Variants in PTPRO observed in about 807,000 individuals in gnomAD.
The protein encoded by PTPRO is protein tyrosine phosphatase receptor type O.
In PTPRO, 62 loss-of-function variants were observed where a neutral mutation model predicts 145.2. That is an observed-to-expected ratio of 0.43 (90% confidence interval 0.35 to 0.53). PTPRO has a LOEUF of 0.53. Among genes scored for constraint, PTPRO ranks in the 20% least tolerant of loss-of-function variants. The pLI is 0.01. For synonymous variants in PTPRO, 565 were observed against 514.7 expected (o/e 1.10, Z -1.32); for missense variants, 1,345 against 1,482.7 (o/e 0.91, Z 1.53).
chr12:15,589,911 G>C (rs1193842542), intron 25 of PTPRO, among the ~76,000 whole-genome samples: 1 of 152,146 alleles, frequency 6.6e-6, no homozygotes, highest in African/African-American at 2.4e-5. Context: ...CCACCAAATA[G>C]AGACTGTTGA....
chr12:15,380,707 T>C (rs920659897), intron 1 of PTPRO, among the ~76,000 whole-genome samples: 1 of 152,164 alleles, frequency 6.6e-6, no homozygotes, highest in African/African-American at 2.4e-5. Flanking sequence ...ATGTCACCAA[T>C]AGAACTAAGC....
At chr12:15,425,597 T>C (rs1940263077) in intron 1 of PTPRO, among the ~76,000 whole-genome samples, 1 of 152,158 alleles carries the variant, frequency 6.6e-6, no homozygotes, top group Non-Finnish European at 1.5e-5. Context: ...GACTTTTGGG[T>C]TTAGAACTTT....
chr12:15,480,721 A>AGATG (rs58620856), intron 1 of PTPRO, among the ~76,000 whole-genome samples: 7,481 of 150,924 alleles, frequency 0.05, 216 homozygotes, highest in African/African-American at 0.063. Flanking sequence ...CTGATGTAGA[A>AGATG]GATGGATGGA....
chr12:15,461,360 T>TA (rs1365304914), intron 1 of PTPRO, among the ~76,000 whole-genome samples: 1 of 152,150 alleles, frequency 6.6e-6, no homozygotes, highest in Non-Finnish European at 1.5e-5. Context: ...CATGTCTCCC[T>TA]AAAATGTATA....
chr12:15,522,712 T>C (rs1445213916), intron 10 of PTPRO, among the ~76,000 whole-genome samples: 2 of 152,204 alleles, frequency 1.3e-5, no homozygotes, highest in Non-Finnish European at 2.9e-5. Context: ...GGCAATTCAG[T>C]TGGCTAGCCC....
At chr12:15,456,295 C>T (rs2136388158) in intron 1 of PTPRO, among the ~76,000 whole-genome samples, 1 of 152,246 alleles carries the variant, frequency 6.6e-6, no homozygotes, top group African/African-American at 2.4e-5. Context: ...TATGTTGAAT[C>T]ATCCTTGCAT....
At chr12:15,349,095 A>T (rs898509854) in intron 1 of PTPRO, among the ~76,000 whole-genome samples, 30 of 152,210 alleles carry the variant, frequency 2.0e-4, no homozygotes, top group African/African-American at 7.2e-4. Context: ...AGTAATACCG[A>T]TACAGTATAA....
chr12:15,489,125 A>G lies in PTPRO; in HGVS notation c.349+4878A>G, dbSNP rs79407051. ...GTGCCATGTCCTAGGTACCAAAGAA[A>G]TAAAGATAGATAAAAATACTCATAA... On this transcript the variant is annotated intron_variant, in intron 2 of 26. Transcript: ENST00000281171. 2.6e-5 allele frequency among the ~76,000 whole-genome samples: 4 copies of G among 152,324 alleles called. No homozygotes were observed. In the East Asian group the frequency reaches 7.7e-4, roughly 29 times the overall value.
rs1407288179 is a variant in PTPRO, at chr12:15,560,186, C to T, written c.2628-7C>T. On this transcript the variant is annotated splice_polypyrimidine_tract_variant and splice_region_variant and intron_variant, in intron 16 of 26. Coordinates refer to ENST00000281171, the MANE Select transcript of PTPRO (RefSeq NM_030667.3). ...TCTTTCCATCTGTTGTCTATTAATGCACACAGGCGTAGGAGTATATTTGCT... is the reference window on the plus strand; with the variant it reads ...TCTTTCCATCTGTTGTCTATTAATGTACACAGGCGTAGGAGTATATTTGCT... 1.1e-5 allele frequency: 17 copies of T among 1,566,978 alleles called. No individual in the cohort carries two copies. Among genetic ancestry groups the T allele is most frequent in the Non-Finnish European group, 1.5e-5 (17 of 1,137,770 alleles).
At chr12:15,561,530 T>G (rs1943772546) in intron 17 of PTPRO, among the ~76,000 whole-genome samples, 1 of 152,128 alleles carries the variant, frequency 6.6e-6, no homozygotes, top group Non-Finnish European at 1.5e-5. Context: ...CAGAGGAATG[T>G]GCTAGATGCT....
chr12:15,382,700 G>C (rs1009614913), intron 1 of PTPRO, among the ~76,000 whole-genome samples: 2 of 152,184 alleles, frequency 1.3e-5, no homozygotes, highest in Admixed American at 1.3e-4. Context: ...TTCTTGTTCT[G>C]TTTGGGAGTT....
chr12:15,566,517 A>ATTTAT (rs1215735531), intron 18 of PTPRO, among the ~76,000 whole-genome samples: 1 of 151,658 alleles, frequency 6.6e-6, no homozygotes, highest in African/African-American at 2.4e-5. Context: ...TTATTTTTTA[A>ATTTAT]TTTATTTTAT....
At chr12:15,584,081 G>A (rs1171509963) in intron 23 of PTPRO, among the ~76,000 whole-genome samples, 1 of 152,188 alleles carries the variant, frequency 6.6e-6, no homozygotes, top group African/African-American at 2.4e-5. Context: ...CTCTGGGGCA[G>A]AGTCTTAAGT....
At chr12:15,440,703 T>A (rs76381850) in intron 1 of PTPRO, among the ~76,000 whole-genome samples, 4,412 of 151,630 alleles carry the variant, frequency 0.029, 233 homozygotes, top group African/African-American at 0.1. Flanking sequence ...CTTTAAATAA[T>A]AAACAAAAAA....
chr12:15,556,811 G>T (rs1158639584), intron 15 of PTPRO, among the ~76,000 whole-genome samples: 1 of 152,046 alleles, frequency 6.6e-6, no homozygotes, highest in Non-Finnish European at 1.5e-5. Flanking sequence ...TACTATTAAA[G>T]GCTTTGTAAA....
In PTPRO at chr12:15,508,664, C is replaced by T. The variant is rs747255588; in HGVS notation, c.1361C>T (p.Thr454Ile). The T allele has an allele frequency of 1.9e-6, 3 of 1,614,050 alleles. No individual in the cohort carries two copies. Among genetic ancestry groups the T allele is most frequent in the South Asian group, 2.2e-5 (2 of 91,062 alleles). The change falls in exon 7 of 27, where the codon ACA (threonine) becomes ATA (isoleucine). Residue 454 changes from threonine to isoleucine, a missense_variant. By Grantham distance (89) the Thr-to-Ile change is moderately conservative (BLOSUM62 -1). This residue lies in a region of PTPRO where 1,130 missense variants were observed against 1,214.7 expected (regional missense o/e 0.93). Coordinates refer to ENST00000281171, the MANE Select transcript of PTPRO (RefSeq NM_030667.3). ...LSSTTALMSW[T>I]SSQENYNSTI... Reference sequence around the variant, plus strand: ...TCAACCACTGCCTTGATGTCCTGGACATCTTCCCAAGAGAACTACAACAGC... The same window carrying T: ...TCAACCACTGCCTTGATGTCCTGGATATCTTCCCAAGAGAACTACAACAGC...
At chr12:15,380,413 G>A (rs1382028646) in intron 1 of PTPRO, among the ~76,000 whole-genome samples, 2 of 151,918 alleles carry the variant, frequency 1.3e-5, no homozygotes, top group Admixed American at 6.6e-5. Context: ...AGGAGAAGAA[G>A]AAAAGGTGGA....
At chr12:15,367,755 C>T (rs1938405896) in intron 1 of PTPRO, among the ~76,000 whole-genome samples, 1 of 152,158 alleles carries the variant, frequency 6.6e-6, no homozygotes, top group Admixed American at 6.5e-5. Context: ...TCATCTTTGA[C>T]ATCTCTCTTT....
chr12:15,495,250 T>A (rs1942076614), intron 2 of PTPRO, among the ~76,000 whole-genome samples: 1 of 151,528 alleles, frequency 6.6e-6, no homozygotes, highest in Admixed American at 6.6e-5. Context: ...GTAGATGCTG[T>A]TTTTCAGAAA....
Sources: gnomAD v4.1 joint callset for allele counts (sites outside exome capture counted in the v4.1 genomes callset) on GRCh38, gnomAD v4.1.1 for gene constraint, gnomAD v4.1.1 regional missense constraint, MANE v1.5 for transcripts, NCBI Gene and HGNC (gene_info 2026-07-23, HGNC 2026-07-21) for gene names.